The following SLC35F3 variants were observed in gnomAD, a reference collection of about 807,000 sequenced individuals.
The protein encoded by SLC35F3 is putative thiamine transporter SLC35F3.
A neutral mutation model predicts 49.9 loss-of-function variants in SLC35F3; 25 were observed. The ratio of observed to expected loss-of-function variants is 0.50; its 90% confidence interval spans 0.37 to 0.70. The LOEUF is 0.70. SLC35F3 is among the 30% of genes least tolerant of loss of function. The probability of loss-of-function intolerance (pLI) is 0.00; values close to 1 mark genes in which losing one functional copy is unlikely to be tolerated. For synonymous variants in SLC35F3, 275 were observed against 265.4 expected (o/e 1.04, Z -0.35); for missense variants, 525 against 639.8 (o/e 0.82, Z 1.94).
intron 2 of SLC35F3, among the ~76,000 whole-genome samples, chr1:234,020,137 A>C (rs886789357): frequency 2.6e-5 from 4 of 152,122 alleles, no homozygotes; most frequent in African/African-American, 9.7e-5. Context: ...TCCCACACAA[A>C]AAAAAAAATT....
Position 234,236,302 on chromosome 1 carries a change from C to G in SLC35F3, c.608+4561C>G, listed in dbSNP as rs563112655. ...CTAAAAATACTAAAAATTAGCCAGG[C>G]GTGATGGTGCACCTGTAGTCCCAGC... On this transcript the variant is annotated intron_variant, in intron 3 of 7. Transcript: ENST00000366618. 3.9e-5 allele frequency among the ~76,000 whole-genome samples: 6 copies of G among 152,014 alleles called. No individual in the cohort carries two copies. The South Asian group carries it at 1.2e-3, about 32-fold the overall frequency.
At chr1:233,916,675 T>G (rs1369656039) in intron 2 of SLC35F3, among the ~76,000 whole-genome samples, 1 of 152,260 alleles carries the variant, frequency 6.6e-6, no homozygotes, top group East Asian at 1.9e-4. Context: ...AATGTGTTTG[T>G]TCTATCCGCA....
chr1:234,010,158 G>A (rs1247729606), intron 2 of SLC35F3, among the ~76,000 whole-genome samples: 2 of 152,060 alleles, frequency 1.3e-5, no homozygotes, highest in Admixed American at 1.3e-4. Flanking sequence ...AAGCAATTGT[G>A]GATAAAACAA....
At chr1:233,976,769 C>T (rs1161347440) in intron 2 of SLC35F3, among the ~76,000 whole-genome samples, 1 of 152,110 alleles carries the variant, frequency 6.6e-6, no homozygotes, top group African/African-American at 2.4e-5. Flanking sequence ...TGCCACCACG[C>T]CCAGCTAATT....
At chr1:234,314,636 C>T (rs1229122030) in intron 4 of SLC35F3, among the ~76,000 whole-genome samples, 1 of 152,198 alleles carries the variant, frequency 6.6e-6, no homozygotes, top group African/African-American at 2.4e-5. Context: ...TGGCGGGCAC[C>T]TGTAGTCACA....
intron 2 of SLC35F3, among the ~76,000 whole-genome samples, chr1:233,926,065 A>G (rs1399306234): frequency 6.6e-6 from 1 of 151,652 alleles, no homozygotes; most frequent in African/African-American, 2.4e-5. Context: ...TGCCCTTAAC[A>G]TTTTTTCCTT....
At chr1:234,306,386 C>T (rs1657180519) in intron 3 of SLC35F3, 1 of 152,450 alleles carries the variant, frequency 6.6e-6, no homozygotes, top group South Asian at 2.1e-4. Context: ...GTCTCAAACT[C>T]CTGACCTCAG....
At chr1:234,044,630 A>C (rs1170334843) in intron 2 of SLC35F3, among the ~76,000 whole-genome samples, 1 of 152,164 alleles carries the variant, frequency 6.6e-6, no homozygotes, top group Non-Finnish European at 1.5e-5. Flanking sequence ...TTTTTGGTCA[A>C]TTTCAAGGGT....
At chr1:234,031,267 T>C (rs1334402485) in intron 2 of SLC35F3, among the ~76,000 whole-genome samples, 2 of 152,194 alleles carry the variant, frequency 1.3e-5, no homozygotes, top group Non-Finnish European at 2.9e-5. Flanking sequence ...AAGGACCATA[T>C]TGTGGGTTTC....
At position 234,305,573 on chromosome 1, in the gene SLC35F3, TG is replaced by T. The variant is rs780198478; in HGVS notation, c.609-3524del. Among the ~76,000 whole-genome samples, 6 of 152,000 alleles carry T rather than the reference TG, an allele frequency of 3.9e-5. No homozygotes were observed. The East Asian group carries it at 7.8e-4, about 20-fold the overall frequency. ...AATTTTTTTGTGTTTTTAGTAGAAATGGGGTTTCACCATGTTGGTCAGGCTG... is the reference window on the plus strand; with the variant it reads ...AATTTTTTTGTGTTTTTAGTAGAAATGGGTTTCACCATGTTGGTCAGGCTG... On this transcript the variant is annotated intron_variant, in intron 3 of 7. Transcript: ENST00000366618.
chr1:233,927,119 T>C (rs1662172677), intron 2 of SLC35F3, among the ~76,000 whole-genome samples: 1 of 152,238 alleles, frequency 6.6e-6, no homozygotes, highest in Non-Finnish European at 1.5e-5. Flanking sequence ...AATAACATTG[T>C]ATTGTCTAGC....
chr1:234,216,459 G>T (rs1363600248), intron 2 of SLC35F3, among the ~76,000 whole-genome samples: 1 of 152,138 alleles, frequency 6.6e-6, no homozygotes, highest in Non-Finnish European at 1.5e-5. Context: ...ACTTCCCTAT[G>T]GCCAAGCCTG....
chr1:234,141,281 G>A (rs576662776), intron 2 of SLC35F3, among the ~76,000 whole-genome samples: 50 of 152,260 alleles, frequency 3.3e-4, no homozygotes, highest in African/African-American at 1.1e-3. Flanking sequence ...TTCTTGGAAT[G>A]TTCAGTATGG....
chr1:234,152,538 C>G (rs1666092003), intron 2 of SLC35F3, among the ~76,000 whole-genome samples: 1 of 152,102 alleles, frequency 6.6e-6, no homozygotes, highest in Non-Finnish European at 1.5e-5. Context: ...TCATCCATGT[C>G]CCTGCAAAGG....
intron 2 of SLC35F3, among the ~76,000 whole-genome samples, chr1:234,111,592 T>TG (rs1398718071): frequency 1.3e-5 from 2 of 152,184 alleles, no homozygotes; most frequent in African/African-American, 4.8e-5. Context: ...TGCGCCCGGT[T>TG]GTCCTCTGTG....
At chr1:233,974,312 GTAGC>G (rs757598999) in intron 2 of SLC35F3, among the ~76,000 whole-genome samples, 3 of 149,938 alleles carry the variant, frequency 2.0e-5, no homozygotes, top group Non-Finnish European at 4.4e-5. Context: ...CGCCTCCTGA[GTAGC>G]TGGGATTACA....
chr1:234,266,535 T>C (rs191530377), intron 3 of SLC35F3, among the ~76,000 whole-genome samples: 29 of 152,346 alleles, frequency 1.9e-4, no homozygotes, highest in South Asian at 8.3e-4. Flanking sequence ...CATACAGTCT[T>C]CCATCATGTA....
intron 2 of SLC35F3, among the ~76,000 whole-genome samples, chr1:234,197,203 TC>T (rs1432823966): frequency 2.0e-5 from 3 of 152,160 alleles, no homozygotes; most frequent in African/African-American, 7.2e-5. Flanking sequence ...AAAGTTAGGC[TC>T]CTACCCACTC....
chr1:233,921,970 A>T (rs1471225975), intron 2 of SLC35F3, among the ~76,000 whole-genome samples: 1 of 151,864 alleles, frequency 6.6e-6, no homozygotes, highest in Non-Finnish European at 1.5e-5. Context: ...AAGGACATGA[A>T]CTCATCCTTT....
Sources: allele counts gnomAD v4.1 joint callset (sites outside exome capture counted in the v4.1 genomes callset), GRCh38; gene constraint gnomAD v4.1.1; transcripts MANE v1.5; gene names NCBI Gene and HGNC (gene_info 2026-07-23, HGNC 2026-07-21).